Variants in CPN1 observed in about 807,000 individuals in gnomAD.
CPN1 encodes the protein carboxypeptidase N subunit 1.
CPN1 carries 37 observed loss-of-function variants against 46.4 expected under a neutral mutation model. The observed-to-expected ratio is 0.80, with a 90% CI of 0.61 to 1.05. The LOEUF (loss-of-function observed/expected upper bound fraction) is 1.05, where lower values mean the gene tolerates loss of function less well. Ranked by LOEUF, CPN1 falls within the 50% of genes least tolerant of loss-of-function variation. The pLI is 0.00. For synonymous variants in CPN1, 224 were observed against 235.4 expected, an observed-to-expected ratio of 0.95 and a Z score of 0.44; for missense variants, 563 against 602.6, an observed-to-expected ratio of 0.93 and a Z score of 0.69.
rs750921628 is a variant in CPN1, at chr10:100,057,122, T to C, written c.902A>G (p.Asn301Ser). The change falls in exon 6 of 9, where the codon AAC becomes AGC. Residue 301 changes from asparagine to serine, a missense_variant. Transcript: ENST00000370418. Reference sequence around the variant, plus strand: ...CAGTTCCAGCGTGATCTCAAAGCAGTTGGTATGGAGATAATTAAAGTCTTG... The same window carrying C: ...CAGTTCCAGCGTGATCTCAAAGCAGCTGGTATGGAGATAATTAAAGTCTTG... ...GMQDFNYLHT[N>S]CFEITLELSC... 1 of 1,614,168 alleles carries C rather than the reference T, an allele frequency of 6.2e-7. No homozygotes were observed. The highest frequency in any genetic ancestry group is 1.1e-5 in the South Asian group (1 of 91,080).
chr10:100,057,184 T>C, intron 5 of CPN1, 32 bp from the exon 6 acceptor site: 1 of 1,612,230 alleles, frequency 6.2e-7, no homozygotes, highest in Non-Finnish European at 8.5e-7. Flanking sequence ...CAGATTTCCA[T>C]AACCAGGTTC....
intron 7 of CPN1, 104 bp from the exon 8 acceptor site, chr10:100,048,980 A>C: frequency 1.2e-6 from 1 of 836,356 alleles, no homozygotes; most frequent in Non-Finnish European, 2.0e-6. Context: ...TTTTTTTGAG[A>C]CGGGGTCTTG....
At chr10:100,065,430 G>A (rs1198115929) in intron 3 of CPN1, 60 bp from the exon 4 acceptor site, 56 of 1,588,178 alleles carry the variant, frequency 3.5e-5, no homozygotes, top group Non-Finnish European at 1.7e-6. Flanking sequence ...ACAAACGGCG[G>A]TTAGAGTAAG....
At chr10:100,070,379 A>G (rs2041477279) in intron 2 of CPN1, among the ~76,000 whole-genome samples, 1 of 151,960 alleles carries the variant, frequency 6.6e-6, no homozygotes, top group East Asian at 1.9e-4. Flanking sequence ...GCTACTTGGG[A>G]GGCTGAGGCA....
At chr10:100,048,978 A>C (rs1250578167) in intron 7 of CPN1, 102 bp from the exon 8 acceptor site, 4 of 867,430 alleles carry the variant, frequency 4.6e-6, no homozygotes, top group Non-Finnish European at 7.6e-6. Flanking sequence ...TTTTTTTTTG[A>C]GACGGGGTCT....
chr10:100,073,224 A>G (rs1295856749), intron 2 of CPN1, among the ~76,000 whole-genome samples: 3 of 152,086 alleles, frequency 2.0e-5, no homozygotes, highest in Non-Finnish European at 2.9e-5. Context: ...CATTTATTGG[A>G]TCTTTCATTT....
rs1358467424 is a variant in CPN1, at chr10:100,065,238, C to A, written c.709G>T (p.Val237Phe). Residue 237 changes from valine (V) to phenylalanine (F), a missense_variant, in exon 4 of 9, where the codon GTC (valine) becomes TTC (phenylalanine). Physicochemically the swap from Val to Phe is conservative, Grantham distance 50 (BLOSUM62 -1). Coordinates refer to ENST00000370418, the MANE Select transcript of CPN1 (RefSeq NM_001308.3). ...DKSFEHRVRG[V>F]RRTASTPTPD... The stretch of plus-strand genomic sequence containing the variant: ...GTGGGGGTGCTGGCGGTGCGGCGGA[C>A]CCCTCGGACCCGGTGCTCAAAGGAC... 1 of 1,613,960 alleles carries A rather than the reference C, an allele frequency of 6.2e-7. No homozygotes were observed. Among genetic ancestry groups the A allele is most frequent in the East Asian group, 2.2e-5 (1 of 44,896 alleles).
intron 1 of CPN1, among the ~76,000 whole-genome samples, chr10:100,079,352 G>T (rs1249160526): frequency 6.6e-6 from 1 of 152,216 alleles, no homozygotes; most frequent in Non-Finnish European, 1.5e-5. Context: ...TTTGTGGAAT[G>T]AATGAATTAA....
At position 100,042,722 on chromosome 10, in the gene CPN1, C is replaced by T. The variant is rs1011655128; in HGVS notation, c.1231-149G>A. Reference sequence around the variant, plus strand: ...GTCATATAGACTTGGCTAACGTTCCCCCAAAATTGGTATGCAATCATTGGT... The same window carrying T: ...GTCATATAGACTTGGCTAACGTTCCTCCAAAATTGGTATGCAATCATTGGT... On this transcript the variant is annotated intron_variant, in intron 8 of 8. Transcript: ENST00000370418. The T allele has an allele frequency of 1.5e-4, 136 of 925,620 alleles. No individual in the cohort carries two copies. The African/African-American group carries it at 2.2e-3, about 15-fold the overall frequency. 57.3% of individuals were successfully genotyped at this position (925,620 alleles called of 1,614,324 possible). A position where few individuals can be genotyped will look rare whatever the true frequency, so the allele number is the denominator to read the frequency against.
intron 6 of CPN1, among the ~76,000 whole-genome samples, chr10:100,054,888 A>G (rs2041376737): frequency 7.3e-6 from 1 of 137,534 alleles, no homozygotes; most frequent in African/African-American, 2.8e-5. Flanking sequence ...GTGACAGACT[A>G]TAGTAAAATA....
chr10:100,063,663 G>T lies in CPN1; in HGVS notation c.822C>A (p.Tyr274Ter). 1 of 1,614,076 alleles carries T rather than the reference G, an allele frequency of 6.2e-7. No individual in the cohort carries two copies. Among genetic ancestry groups the T allele is most frequent in the Non-Finnish European group, 8.5e-7 (1 of 1,179,988 alleles). Residue 274 changes from tyrosine (Y) to a stop codon, truncating the protein, a stop_gained, in exon 5 of 9, where the codon TAC becomes TAA. Coordinates refer to ENST00000370418, the MANE Select transcript of CPN1 (RefSeq NM_001308.3). LOFTEE classifies it high-confidence loss of function. The stretch of plus-strand genomic sequence containing the variant: ...CCCCATTGGTGATGCCATCTGGGAA[G>T]TAATCTCCGCAGTTCCAACCTTGGA... ...WMFQGWNCGD[Y>*]FPDGITNGAS... is the part of the protein sequence containing the mutation.
intron 5 of CPN1, among the ~76,000 whole-genome samples, chr10:100,063,359 G>T (rs1175509079): frequency 6.6e-6 from 1 of 152,100 alleles, no homozygotes; most frequent in Non-Finnish European, 1.5e-5. Context: ...CTGACCTCGT[G>T]ATCCACCCTC....
chr10:100,074,300 A>T (rs955138711), intron 2 of CPN1, among the ~76,000 whole-genome samples: 1 of 152,170 alleles, frequency 6.6e-6, no homozygotes, highest in African/African-American at 2.4e-5. Context: ...TGAGAACCTG[A>T]TGGGTCCTCT....
chr10:100,048,912 TA>T, intron 7 of CPN1, 36 bp from the exon 8 acceptor site: 1 of 1,514,564 alleles, frequency 6.6e-7, no homozygotes, highest in Non-Finnish European at 9.2e-7. Context: ...GTCTACTGAT[TA>T]AAAATCTGTC....
chr10:100,075,823 A>C, intron 2 of CPN1, 88 bp downstream of exon 2: 1 of 1,291,896 alleles, frequency 7.7e-7, no homozygotes, highest in Non-Finnish European at 1.1e-6. Flanking sequence ...TGATATTTAC[A>C]GTGGGACAGA....
At position 100,042,483 on chromosome 10, in the gene CPN1, G is replaced by A. The variant is rs983991089; in HGVS notation, c.1321C>T (p.Pro441Ser). ...RRHGVRAKVQPQARKKEMEMR... is the reference protein window; with the variant it reads ...RRHGVRAKVQSQARKKEMEMR... ...TCCATTTCTTTCTTTCTGGCTTGGG[G>A]CTGCACTTTGGCTCTGACTCCGTGC... Residue 441 changes from proline to serine, a missense_variant, in exon 9 of 9, where the codon CCC (proline) becomes TCC (serine). Coordinates refer to ENST00000370418, the MANE Select transcript of CPN1 (RefSeq NM_001308.3). 3.1e-6 allele frequency: 5 copies of A among 1,613,798 alleles called. No homozygotes were observed. In the African/African-American group the frequency reaches 4.0e-5, roughly 13 times the overall value.
intron 8 of CPN1, among the ~76,000 whole-genome samples, chr10:100,045,047 A>C (rs71488044): frequency 0.021 from 3,235 of 152,232 alleles, 45 homozygotes; most frequent in Non-Finnish European, 0.032. Flanking sequence ...AGACAGATGG[A>C]TATCTGCTTT....
chr10:100,052,174 G>A (rs750096395), intron 7 of CPN1, among the ~76,000 whole-genome samples: 6 of 151,830 alleles, frequency 4.0e-5, no homozygotes, highest in Non-Finnish European at 5.9e-5. Context: ...GGGTTCAAGC[G>A]ATTCTCCTGC....
intron 8 of CPN1, among the ~76,000 whole-genome samples, chr10:100,043,078 C>CGT (rs1564769175): frequency 7.3e-5 from 7 of 95,272 alleles, no homozygotes; most frequent in Admixed American, 1.2e-4. Context: ...TGGGTGACAG[C>CGT]GAGACTCCAT....
Sources: allele counts gnomAD v4.1 joint callset (sites outside exome capture counted in the v4.1 genomes callset), GRCh38; gene constraint gnomAD v4.1.1; transcripts MANE v1.5; gene names NCBI Gene and HGNC (gene_info 2026-07-23, HGNC 2026-07-21).